LDLRAD1: variants seen among roughly 807,000 people sequenced by gnomAD.
LDLRAD1 encodes the protein low density lipoprotein receptor class A domain containing 1, also known as low-density lipoprotein receptor class A domain-containing protein 1.
LDLRAD1 carries 17 observed loss-of-function variants against 24.8 expected under a neutral mutation model. The ratio of observed to expected loss-of-function variants is 0.69; its 90% CI spans 0.47 to 1.03. The LOEUF is 1.03. Ranked by LOEUF, LDLRAD1 falls within the 50% of genes least tolerant of loss-of-function variation. LDLRAD1 has a pLI of 0.00. For missense variants in LDLRAD1, 277 were observed against 271.0 expected, an observed-to-expected ratio of 1.02 and a Z score of -0.16; for synonymous variants, 103 against 108.2, an observed-to-expected ratio of 0.95 and a Z score of 0.30.
Position 54,014,365 on chromosome 1 carries a change from C to T in LDLRAD1, c.74-1G>A, listed in dbSNP as rs1482064190. On this transcript the variant is annotated splice_acceptor_variant, in intron 2 of 5. Coordinates refer to ENST00000371360, the MANE Select transcript of LDLRAD1 (RefSeq NM_001010978.4). LOFTEE classifies it high-confidence loss of function. Reference sequence around the variant, plus strand: ...GAGCAGCAGAGGTGGCCGCCGCCTGCTGTGTGGGGGGGAAACAAGCCCGGG... The same window carrying T: ...GAGCAGCAGAGGTGGCCGCCGCCTGTTGTGTGGGGGGGAAACAAGCCCGGG... The T allele has an allele frequency of 3.2e-6, 5 of 1,546,592 alleles. No individual in the cohort carries two copies. The highest frequency in any genetic ancestry group is 1.4e-5 in the African/African-American group (1 of 72,416).
At chr1:54,015,721 T>C (rs1326607762) in intron 2 of LDLRAD1, among the ~76,000 whole-genome samples, 1 of 151,088 alleles carries the variant, frequency 6.6e-6, no homozygotes, top group Non-Finnish European at 1.5e-5. Context: ...AGTTGCATGA[T>C]CTCAACTCAC....
Position 54,012,026 on chromosome 1 carries a change from G to A in LDLRAD1, c.340+117C>T. 2.4e-6 allele frequency: 3 copies of A among 1,228,838 alleles called. No homozygotes were observed. The South Asian group carries it at 4.2e-5, about 17-fold the overall frequency. 76.1% of individuals were successfully genotyped at this position (1,228,838 alleles called of 1,614,324 possible). On this transcript the variant is annotated intron_variant, in intron 4 of 5. Coordinates refer to ENST00000371360, the MANE Select transcript of LDLRAD1 (RefSeq NM_001010978.4). ...TCGGGGCAGGTGTTCCTGGATGAAG[G>A]CACTGGAGCATCAAAGCCATGGGGA...
rs779508755 is a variant in LDLRAD1, at chr1:54,012,212, G to A, written c.271C>T (p.Pro91Ser). ...FLCHDQRSCI[P>S]ASGVCDGVRT... Reference sequence around the variant, plus strand: ...ACGCCATCACAGACCCCACTGGCTGGAATGCAGCTCCTCTGGTCATGGCAC... The same window carrying A: ...ACGCCATCACAGACCCCACTGGCTGAAATGCAGCTCCTCTGGTCATGGCAC... The change falls in exon 4 of 6, where the codon CCA (proline) becomes TCA (serine). Residue 91 changes from proline to serine, a missense_variant. Transcript: ENST00000371360. 16 of 1,614,132 alleles carry A rather than the reference G, an allele frequency of 9.9e-6. No individual in the cohort carries two copies. The South Asian group carries it at 1.8e-4, about 18-fold the overall frequency.
rs1656393925 is a variant in LDLRAD1 at position 54,018,140 on chromosome 1, G to T, written c.-28C>A. 4.3e-6 allele frequency: 7 copies of T among 1,613,322 alleles called. No homozygotes were observed. Among genetic ancestry groups the T allele is most frequent in the Non-Finnish European group, 5.9e-6 (7 of 1,179,666 alleles). ...CTTCGGTTTCCTGCTGCCCGACTGG[G>T]GCTGTGTGCAGAGAGCTCAGCACGG... On this transcript the variant is annotated 5_prime_UTR_variant, in exon 1 of 6. Transcript: ENST00000371360.
Position 54,012,147 on chromosome 1 carries a change from C to T in LDLRAD1, c.336G>A (p.Leu112=), listed in dbSNP as rs1557662220. 6.2e-7 allele frequency: 1 copy of T among 1,613,878 alleles called. No homozygotes were observed. ...CTHGEDEDES[L]CRDVPQSLPH... is the part of the protein sequence containing the mutation. Reference sequence around the variant, plus strand: ...CAGCACCGAGCGGGTACTCACGGCACAAGCTCTCATCCTCGTCCTCGCCGT... The same window carrying T: ...CAGCACCGAGCGGGTACTCACGGCATAAGCTCTCATCCTCGTCCTCGCCGT... Residue 112 remains leucine (L), a synonymous_variant, in exon 4 of 6, where the codon TTG becomes TTA. Coordinates refer to ENST00000371360, the MANE Select transcript of LDLRAD1 (RefSeq NM_001010978.4).
chr1:54,008,880 TCAAA>T lies in LDLRAD1; in HGVS notation c.*98_*101del. The T allele has an allele frequency of 1.0e-6, 1 of 972,480 alleles. No homozygotes were observed. The highest frequency in any genetic ancestry group is 2.5e-5 in the South Asian group (1 of 40,212). The allele number at this position is 972,480 out of a possible 1,614,324, so 60.2% of individuals were successfully genotyped here. A position where few individuals can be genotyped will look rare whatever the true frequency, so the allele number is the denominator to read the frequency against. ...TCAGAAATGATGTGTAGATCCCATT[TCAAA>T]GGCTGCTTCCTGCCCTTGTGCGCTA... On this transcript the variant is annotated 3_prime_UTR_variant, in exon 6 of 6. Transcript: ENST00000371360.
intron 2 of LDLRAD1, among the ~76,000 whole-genome samples, chr1:54,016,914 T>C (rs1656332044): frequency 6.6e-6 from 1 of 152,218 alleles, no homozygotes; most frequent in Non-Finnish European, 1.5e-5. Flanking sequence ...TATGCAAAGC[T>C]CAGTACATGT....
intron 4 of LDLRAD1, 23 bp from the exon 5 acceptor site, chr1:54,010,433 GGAA>G: frequency 6.2e-7 from 1 of 1,613,120 alleles, no homozygotes; most frequent in Non-Finnish European, 8.5e-7. Flanking sequence ...AGAGGAGGCA[GGAA>G]GAAGTCCACA....
Position 54,010,310 on chromosome 1 carries a change from G to A in LDLRAD1, c.441C>T (p.Cys147=), listed in dbSNP as rs745938713. The part of the protein sequence containing the change: ...SDQKCDGTNN[C]GDCSDELSPV... ...GGCTCAGTTCATCTGAACAGTCCCC[G>A]CAGTTGTTAGTGCCATCACATTTTT... Residue 147 remains cysteine (C), a synonymous_variant, in exon 5 of 6, where the codon TGC becomes TGT. Transcript: ENST00000371360. The A allele has an allele frequency of 1.6e-5, 26 of 1,613,940 alleles. No individual in the cohort carries two copies. The highest frequency in any genetic ancestry group is 1.6e-4 in the East Asian group (7 of 44,878).
chr1:54,015,881 CT>C (rs1656284627), intron 2 of LDLRAD1, among the ~76,000 whole-genome samples: 1 of 152,076 alleles, frequency 6.6e-6, no homozygotes, highest in Admixed American at 6.5e-5. Context: ...TCTTGAACTC[CT>C]GACCTCAGGT....
At chr1:54,009,286 G>C (rs1051365994) in intron 5 of LDLRAD1, among the ~76,000 whole-genome samples, 156 bp from the exon 6 acceptor site, 12 of 152,130 alleles carry the variant, frequency 7.9e-5, no homozygotes, top group African/African-American at 2.9e-4. Flanking sequence ...GCGGCAGAGA[G>C]AATCTAGACT....
intron 2 of LDLRAD1, among the ~76,000 whole-genome samples, chr1:54,015,417 C>A (rs1425729401): frequency 6.6e-6 from 1 of 152,174 alleles, no homozygotes; most frequent in African/African-American, 2.4e-5. Context: ...TAAAAGAAGG[C>A]TTTACTGAGG....
At chr1:54,010,949 G>A (rs1465263297) in intron 4 of LDLRAD1, among the ~76,000 whole-genome samples, 2 of 152,186 alleles carry the variant, frequency 1.3e-5, no homozygotes, top group Non-Finnish European at 2.9e-5. Context: ...ACAAACTCAG[G>A]CCACATCACT....
chr1:54,017,426 C>A lies in LDLRAD1; in HGVS notation c.23G>T (p.Gly8Val). The change falls in exon 2 of 6, where the codon GGA becomes GTA. Residue 8 changes from glycine (G) to valine (V), a missense_variant and splice_region_variant. By Grantham distance (109) the Gly-to-Val change is moderately radical. Coordinates refer to ENST00000371360, the MANE Select transcript of LDLRAD1 (RefSeq NM_001010978.4). MNKVFPQ[G>V]ENGYTAAESK... Reference sequence around the variant, plus strand: ...TTCAGCAGCAGTGTAGCCATTCTCTCCCTGCCCAAGAGAACAGAGTGAGGG... The same window carrying A: ...TTCAGCAGCAGTGTAGCCATTCTCTACCTGCCCAAGAGAACAGAGTGAGGG... The A allele has an allele frequency of 6.2e-7, 1 of 1,601,266 alleles. No individual in the cohort carries two copies. Among genetic ancestry groups the A allele is most frequent in the Non-Finnish European group, 8.5e-7 (1 of 1,173,158 alleles).
chr1:54,010,253 C>T (rs140007162), intron 5 of LDLRAD1, 29 bp downstream of exon 5: 792 of 1,612,490 alleles, frequency 4.9e-4, no homozygotes, highest in Non-Finnish European at 6.0e-4. Flanking sequence ...GGACACCAGC[C>T]CCAGCCCAGC....
At chr1:54,014,087 G>T (rs1488879897) in intron 3 of LDLRAD1, 149 bp downstream of exon 3, 2 of 803,908 alleles carry the variant, frequency 2.5e-6, no homozygotes, top group Non-Finnish European at 4.0e-6. Flanking sequence ...GTGTGTGCAG[G>T]TGTCTGTGTG....
chr1:54,008,583 T>C lies in LDLRAD1; in HGVS notation c.*399A>G, dbSNP rs769577891. 8.8e-5 allele frequency: 14 copies of C among 158,892 alleles called. No homozygotes were observed. The highest frequency in any genetic ancestry group is 1.4e-5 in the Non-Finnish European group (1 of 72,650). The allele number at this position is 158,892 out of a possible 1,614,324, so 9.8% of individuals were successfully genotyped here. A position where few individuals can be genotyped will look rare whatever the true frequency, so the allele number is the denominator to read the frequency against. Reference sequence around the variant, plus strand: ...TTTTTTTTTTGAGACAGGGTCTCACTGTGTTGCTCAGGCTGGAGTGCAGTG... The same window carrying C: ...TTTTTTTTTTGAGACAGGGTCTCACCGTGTTGCTCAGGCTGGAGTGCAGTG... On this transcript the variant is annotated 3_prime_UTR_variant, in exon 6 of 6. Transcript: ENST00000371360.
chr1:54,015,291 T>TA (rs1232684628), intron 2 of LDLRAD1, among the ~76,000 whole-genome samples: 1 of 152,052 alleles, frequency 6.6e-6, no homozygotes, highest in Non-Finnish European at 1.5e-5. Flanking sequence ...ATTGAGGACT[T>TA]ACCATGTGCC....
rs115985937 is a variant in LDLRAD1 at position 54,012,832 on chromosome 1, G to A, written c.203-552C>T. On this transcript the variant is annotated intron_variant, in intron 3 of 5. Transcript: ENST00000371360. Reference sequence around the variant, plus strand: ...AGTTCCCCAAACACCCCTGCGACACGTCATCATTAGCCCCCCATATGGGAG... The same window carrying A: ...AGTTCCCCAAACACCCCTGCGACACATCATCATTAGCCCCCCATATGGGAG... Among the ~76,000 whole-genome samples, 1,489 of 152,168 alleles carry A rather than the reference G, an allele frequency of 9.8e-3. 28 individuals carry two copies. The highest frequency in any genetic ancestry group is 0.034 in the African/African-American group (1,403 of 41,490).
Sources: gnomAD v4.1 joint callset for allele counts (sites outside exome capture counted in the v4.1 genomes callset) on GRCh38, gnomAD v4.1.1 for gene constraint, MANE v1.5 for transcripts, NCBI Gene and HGNC (gene_info 2026-07-23, HGNC 2026-07-21) for gene names.